SPATA17: variants seen among roughly 807,000 people sequenced by gnomAD.
The protein encoded by SPATA17 is spermatogenesis associated 17.
Under a neutral mutation model 62.2 loss-of-function variants are expected in SPATA17, and 53 were observed. The ratio of observed to expected loss-of-function variants is 0.85; its 90% CI spans 0.68 to 1.07. SPATA17 has a LOEUF of 1.07. Ranked by LOEUF, SPATA17 falls within the 50% of genes least tolerant of loss-of-function variation. The probability of loss-of-function intolerance (pLI) is 0.00; values close to 1 mark genes in which losing one functional copy is unlikely to be tolerated. For synonymous variants in SPATA17, 146 were observed against 146.8 expected (o/e 0.99, Z 0.04); for missense variants, 466 against 425.5 (o/e 1.10, Z -0.84).
chr1:217,765,587 T>C (rs886875556), intron 6 of SPATA17, among the ~76,000 whole-genome samples: 19 of 152,148 alleles, frequency 1.2e-4, no homozygotes, highest in African/African-American at 4.1e-4. Flanking sequence ...CTTTCTGTTA[T>C]TGATTTCTAG....
Position 217,667,752 on chromosome 1 carries a change from T to C in SPATA17, c.241-1281T>C, listed in dbSNP as rs532899443. Among the ~76,000 whole-genome samples, 6 of 152,374 alleles carry C rather than the reference T, an allele frequency of 3.9e-5. No homozygotes were observed. The East Asian group carries it at 1.2e-3, about 29-fold the overall frequency. On this transcript the variant is annotated intron_variant, in intron 3 of 10. Coordinates refer to ENST00000366933, the MANE Select transcript of SPATA17 (RefSeq NM_138796.4). Reference sequence around the variant, plus strand: ...TCTTTATAGAAATGTTTAATAGCAATGTCTGCTTCAATATGATGTCAAGAA... The same window carrying C: ...TCTTTATAGAAATGTTTAATAGCAACGTCTGCTTCAATATGATGTCAAGAA...
rs143029138 is a variant in SPATA17 at position 217,822,078 on chromosome 1, A to G, written c.1005+20228A>G. 7.2e-3 allele frequency among the ~76,000 whole-genome samples: 1,093 copies of G among 152,178 alleles called. 14 individuals carry two copies. Among genetic ancestry groups the G allele is most frequent in the African/African-American group, 0.025 (1,035 of 41,550 alleles). ...CCTGCAGTGAAGAATTATCTACCTA[A>G]AATGTCAATTATGCCACCTGTGAGA... On this transcript the variant is annotated intron_variant, in intron 9 of 10. Coordinates refer to ENST00000366933, the MANE Select transcript of SPATA17 (RefSeq NM_138796.4).
chr1:217,790,092 G>A (rs557903379), intron 8 of SPATA17, among the ~76,000 whole-genome samples: 118 of 152,184 alleles, frequency 7.8e-4, no homozygotes, highest in Non-Finnish European at 1.4e-3. Context: ...CCGGTTAGGG[G>A]GAATGACTTC....
chr1:217,778,405 C>T (rs1571799892), intron 7 of SPATA17, among the ~76,000 whole-genome samples: 1 of 152,040 alleles, frequency 6.6e-6, no homozygotes, highest in East Asian at 1.9e-4. Flanking sequence ...CCTGTAATCC[C>T]AGCTATTTGG....
intron 8 of SPATA17, among the ~76,000 whole-genome samples, chr1:217,783,578 G>C (rs1673784968): frequency 6.6e-6 from 1 of 151,902 alleles, no homozygotes; most frequent in South Asian, 2.1e-4. Flanking sequence ...CTCAGACTTA[G>C]CCAAGCAAAA....
At chr1:217,721,645 T>A (rs769177658) in intron 5 of SPATA17, among the ~76,000 whole-genome samples, 5 of 152,204 alleles carry the variant, frequency 3.3e-5, no homozygotes, top group South Asian at 4.1e-4. Context: ...CATGATTCAA[T>A]CCTTGGCTCT....
At chr1:217,850,602 T>C in intron 9 of SPATA17, 1 of 1,595,920 alleles carries the variant, frequency 6.3e-7, no homozygotes, top group Non-Finnish European at 8.6e-7. Flanking sequence ...GGTGATGGTC[T>C]TGCCAGTCAG....
At chr1:217,805,610 A>G (rs894996133) in intron 9 of SPATA17, among the ~76,000 whole-genome samples, 6 of 152,176 alleles carry the variant, frequency 3.9e-5, no homozygotes, top group Non-Finnish European at 5.9e-5. Flanking sequence ...TCATTTCCTA[A>G]TGTATATGTA....
At chr1:217,795,011 C>T (rs1478517877) in intron 8 of SPATA17, among the ~76,000 whole-genome samples, 3 of 152,112 alleles carry the variant, frequency 2.0e-5, no homozygotes, top group African/African-American at 7.2e-5. Context: ...TAATACTACG[C>T]TAACAGTCTC....
intron 5 of SPATA17, among the ~76,000 whole-genome samples, chr1:217,702,685 A>C (rs1010317166): frequency 1.3e-5 from 2 of 151,954 alleles, no homozygotes; most frequent in Non-Finnish European, 2.9e-5. Context: ...AAATTTCACT[A>C]TTTCCTAGTG....
At chr1:217,651,653 C>T (rs748202391) in intron 3 of SPATA17, among the ~76,000 whole-genome samples, 7 of 152,118 alleles carry the variant, frequency 4.6e-5, no homozygotes, top group African/African-American at 1.2e-4. Flanking sequence ...AATTTTGTTT[C>T]ATAGGTATAA....
intron 6 of SPATA17, among the ~76,000 whole-genome samples, chr1:217,765,452 G>C (rs1673276834): frequency 6.6e-6 from 1 of 151,526 alleles, no homozygotes; most frequent in Admixed American, 6.6e-5. Flanking sequence ...CACAAATGTT[G>C]ATAAGCTATA....
Position 217,869,368 on chromosome 1 carries a change from C to T in SPATA17, c.*2349C>T, listed in dbSNP as rs1406427368. The T allele has an allele frequency of 6.6e-6, 1 of 152,122 alleles. No homozygotes were observed. The highest frequency in any genetic ancestry group is 1.9e-4 in the East Asian group (1 of 5,180). 9.4% of individuals were successfully genotyped at this position (152,122 alleles called of 1,614,324 possible). On this transcript the variant is annotated 3_prime_UTR_variant, in exon 11 of 11. Coordinates refer to ENST00000366933, the MANE Select transcript of SPATA17 (RefSeq NM_138796.4). ...GACCAAGGTTCTCATGCAGATGAAG[C>T]CTCCAGGTGGCAGACTTCAGAGAGC...
chr1:217,773,722 A>G (rs1673514710), intron 6 of SPATA17, among the ~76,000 whole-genome samples: 1 of 152,122 alleles, frequency 6.6e-6, no homozygotes, highest in Non-Finnish European at 1.5e-5. Context: ...CAACTCATGA[A>G]ATACAGGATG....
intron 3 of SPATA17, among the ~76,000 whole-genome samples, chr1:217,652,465 C>T (rs1670340927): frequency 6.6e-6 from 1 of 152,062 alleles, no homozygotes; most frequent in South Asian, 2.1e-4. Flanking sequence ...AACTCCTGAC[C>T]TCAGATGATC....
intron 9 of SPATA17, among the ~76,000 whole-genome samples, chr1:217,840,816 A>T (rs969038320): frequency 6.6e-6 from 1 of 152,032 alleles, no homozygotes; most frequent in African/African-American, 2.4e-5. Context: ...CTGTGATTGC[A>T]TCATTGCACT....
chr1:217,803,740 A>G (rs1674368732), intron 9 of SPATA17, among the ~76,000 whole-genome samples: 1 of 152,126 alleles, frequency 6.6e-6, no homozygotes, highest in Non-Finnish European at 1.5e-5. Context: ...ATCCTTGGCC[A>G]GGCAGGGTGG....
chr1:217,705,801 A>G (rs1671720550), intron 5 of SPATA17, among the ~76,000 whole-genome samples: 1 of 152,148 alleles, frequency 6.6e-6, no homozygotes, highest in Admixed American at 6.5e-5. Context: ...AAACTTTGCC[A>G]GCATCTTATC....
chr1:217,805,871 T>G (rs780822327), intron 9 of SPATA17, among the ~76,000 whole-genome samples: 2 of 152,166 alleles, frequency 1.3e-5, no homozygotes, highest in African/African-American at 2.4e-5. Flanking sequence ...ACCAAAGTAA[T>G]CTGTTGAGTT....
Sources: allele counts gnomAD v4.1 joint callset (sites outside exome capture counted in the v4.1 genomes callset), GRCh38; gene constraint gnomAD v4.1.1; transcripts MANE v1.5; gene names NCBI Gene and HGNC (gene_info 2026-07-23, HGNC 2026-07-21).